The following KAZALD1 variants were observed in gnomAD, a reference collection of about 807,000 sequenced individuals.
KAZALD1 encodes the protein Kazal type serine peptidase inhibitor domain 1, also known as kazal-type serine protease inhibitor domain-containing protein 1.
In KAZALD1, 31 loss-of-function variants were observed where a neutral mutation model predicts 27.7. That is an observed-to-expected ratio of 1.12 (90% confidence interval 0.84 to 1.51). The LOEUF is 1.51. Ranked by LOEUF, KAZALD1 falls within the 40% of genes most tolerant of loss-of-function variation. The probability of loss-of-function intolerance (pLI) is 0.00; values close to 1 mark genes in which losing one functional copy is unlikely to be tolerated. For synonymous variants in KAZALD1, 179 were observed against 182.0 expected (o/e 0.98, Z 0.13); for missense variants, 444 against 408.9 (o/e 1.09, Z -0.74).
Position 101,066,417 on chromosome 10 carries a change from T to C in KAZALD1, c.*1497T>C. The C allele has an allele frequency of 2.2e-6, 1 of 456,764 alleles. No individual in the cohort carries two copies. The highest frequency in any genetic ancestry group is 4.4e-6 in the Non-Finnish European group (1 of 226,966). 28.3% of individuals were successfully genotyped at this position (456,764 alleles called of 1,614,324 possible). On this transcript the variant is annotated 3_prime_UTR_variant, in exon 5 of 5. Coordinates refer to ENST00000370200, the MANE Select transcript of KAZALD1 (RefSeq NM_030929.5). Reference sequence around the variant, plus strand: ...TCTACTGCTGGCTTGCCCCGGGTCCTTAAGCCAGCGACAGTTTTTATTGCC... The same window carrying C: ...TCTACTGCTGGCTTGCCCCGGGTCCCTAAGCCAGCGACAGTTTTTATTGCC...
At chr10:101,067,347 C>T (rs1053101687), downstream of KAZALD1, 3 of 456,176 alleles carry the variant, frequency 6.6e-6, no homozygotes, top group African/African-American at 6.0e-5. Context: ...TTCCCACCTC[C>T]AAGATTTTAA....
chr10:101,066,497 G>C lies in KAZALD1; in HGVS notation c.*1577G>C, dbSNP rs773949064. 11 of 456,364 alleles carry C rather than the reference G, an allele frequency of 2.4e-5. No homozygotes were observed. Among genetic ancestry groups the C allele is most frequent in the Non-Finnish European group, 4.9e-5 (11 of 226,798 alleles). The allele number at this position is 456,364 out of a possible 1,614,324, so 28.3% of individuals were successfully genotyped here. ...GAGCCGCGCACAACAGCGCAAGCGG[G>C]CTGGATACCGGGAGCCGATTCCAGG... On this transcript the variant is annotated 3_prime_UTR_variant, in exon 5 of 5. Transcript: ENST00000370200.
rs761694108 is a variant in KAZALD1 at position 101,064,421 on chromosome 10, G to A, written c.672G>A (p.Gln224=). The A allele has an allele frequency of 1.2e-6, 2 of 1,614,228 alleles. No individual in the cohort carries two copies. The highest frequency in any genetic ancestry group is 1.1e-5 in the South Asian group (1 of 91,092). ...GGGATGACCCCCACATCTCTGTGCA[G>A]GTAGACTGGTGGGAGAGGCTTCCCT... The part of the protein sequence containing the change: ...LPGDDPHISV[Q]FRGGPQRFEV... Residue 224 remains glutamine (Q), a splice_region_variant and synonymous_variant, in exon 3 of 5, where the codon CAG becomes CAA. Coordinates refer to ENST00000370200, the MANE Select transcript of KAZALD1 (RefSeq NM_030929.5).
At chr10:101,067,155 G>A (rs1939344611), downstream of KAZALD1, 1 of 408,258 alleles carries the variant, frequency 2.4e-6, no homozygotes, top group East Asian at 7.7e-5. Context: ...GAGGGAGGGG[G>A]AGGGAGGAGG....
rs1343915703 is a variant in KAZALD1 at position 101,062,918 on chromosome 10, G to C, written c.326G>C (p.Arg109Pro). ...CACTGCGGCGAGCAGCTTGAGTGCC[G>C]GCTGGACACAGGCGGCGACCTGAGC... is the stretch of plus-strand genomic sequence containing the variant. ...YGHCGEQLEC[R>P]LDTGGDLSRG... Residue 109 changes from arginine to proline, a missense_variant, in exon 2 of 5, where the codon CGG becomes CCG. Transcript: ENST00000370200. The C allele has an allele frequency of 6.2e-7, 1 of 1,603,046 alleles. No individual in the cohort carries two copies.
intron 2 of KAZALD1, 35 bp downstream of exon 2, chr10:101,063,138 A>G (rs763905161): frequency 2.0e-6 from 3 of 1,488,114 alleles, no homozygotes; most frequent in Non-Finnish European, 2.7e-6. Context: ...CCCAGCACTT[A>G]GGTTTCCTAG....
Position 101,064,295 on chromosome 10 carries a change from G to A in KAZALD1, c.546G>A (p.Trp182Ter). The change falls in exon 3 of 5, where the codon TGG becomes TGA. Residue 182 changes from tryptophan to a stop codon, truncating the protein, a stop_gained. Coordinates refer to ENST00000370200, the MANE Select transcript of KAZALD1 (RefSeq NM_030929.5). LOFTEE classifies it high-confidence loss of function. Reference protein sequence around the residue: ...PQIVSHPYDTWNVTGQDVIFG... With the variant: ...PQIVSHPYDT Reference sequence around the variant, plus strand: ...TCGTGTCACATCCATATGACACTTGGAATGTGACAGGGCAGGATGTGATCT... The same window carrying A: ...TCGTGTCACATCCATATGACACTTGAAATGTGACAGGGCAGGATGTGATCT... 6.2e-7 allele frequency: 1 copy of A among 1,614,198 alleles called. No individual in the cohort carries two copies. Among genetic ancestry groups the A allele is most frequent in the Non-Finnish European group, 8.5e-7 (1 of 1,180,048 alleles).
chr10:101,067,092 C>T (rs1228494512), downstream of KAZALD1: 4 of 349,082 alleles, frequency 1.1e-5, no homozygotes, highest in South Asian at 8.3e-5. Context: ...AGAGCGCGGG[C>T]GGCGTTTTAA....
At chr10:101,067,352 T>G (rs1369748812), downstream of KAZALD1, 3 of 455,994 alleles carry the variant, frequency 6.6e-6, no homozygotes, top group Non-Finnish European at 1.3e-5. Context: ...ACCTCCAAGA[T>G]TTTAAGTATA....
downstream of KAZALD1, chr10:101,068,001 T>C: frequency 2.4e-6 from 1 of 416,222 alleles, no homozygotes; most frequent in South Asian, 1.6e-5. Flanking sequence ...CTCTGGCAAG[T>C]TGGGAGTACA....
intron 2 of KAZALD1, 109 bp from the exon 3 acceptor site, chr10:101,064,152 T>C (rs1471650707): frequency 1.8e-6 from 2 of 1,105,792 alleles, no homozygotes; most frequent in South Asian, 1.4e-5. Flanking sequence ...TCAGCATATA[T>C]TGTGTTCTGC....
chr10:101,063,803 C>T (rs1265441517), intron 2 of KAZALD1, among the ~76,000 whole-genome samples: 4 of 152,240 alleles, frequency 2.6e-5, no homozygotes, highest in Non-Finnish European at 5.9e-5. Flanking sequence ...CCGCAGGACT[C>T]CCCCAGGGGG....
In KAZALD1 at chr10:101,064,292, T is replaced by G; in HGVS notation, c.543T>G (p.Thr181=). ...GPQIVSHPYD[T]WNVTGQDVIF... is the part of the protein sequence containing the mutation. ...AGATCGTGTCACATCCATATGACAC[T>G]TGGAATGTGACAGGGCAGGATGTGA... The change falls in exon 3 of 5, where the codon ACT becomes ACG. Residue 181 remains threonine (T), a synonymous_variant. Coordinates refer to ENST00000370200, the MANE Select transcript of KAZALD1 (RefSeq NM_030929.5). 6.2e-7 allele frequency: 1 copy of G among 1,614,176 alleles called. No individual in the cohort carries two copies.
Position 101,064,297 on chromosome 10 carries a change from A to G in KAZALD1, c.548A>G (p.Asn183Ser), listed in dbSNP as rs761952317. ...GTGTCACATCCATATGACACTTGGA[A>G]TGTGACAGGGCAGGATGTGATCTTT... The part of the protein sequence containing the change: ...QIVSHPYDTW[N>S]VTGQDVIFGC... Residue 183 changes from asparagine to serine, a missense_variant, in exon 3 of 5, where the codon AAT (asparagine) becomes AGT (serine). By Grantham distance (46) the Asn-to-Ser change is conservative. Transcript: ENST00000370200. 10 of 1,614,126 alleles carry G rather than the reference A, an allele frequency of 6.2e-6. No homozygotes were observed. The South Asian group carries it at 7.7e-5, about 12-fold the overall frequency.
downstream of KAZALD1, chr10:101,067,627 A>AG: frequency 3.0e-6 from 1 of 337,874 alleles, no homozygotes; most frequent in Non-Finnish European, 5.8e-6. Flanking sequence ...CGTGAGGAGG[A>AG]GGGCCGCTTC....
Position 101,065,080 on chromosome 10 carries a change from G to T in KAZALD1, c.*160G>T. On this transcript the variant is annotated 3_prime_UTR_variant, in exon 5 of 5. Coordinates refer to ENST00000370200, the MANE Select transcript of KAZALD1 (RefSeq NM_030929.5). ...CTATTTGACTCCAAGGTAGCAGTGT[G>T]GTAGGATAGAGACAAAAGCTGGAGG... 1 of 619,482 alleles carries T rather than the reference G, an allele frequency of 1.6e-6. No individual in the cohort carries two copies. Among genetic ancestry groups the T allele is most frequent in the Non-Finnish European group, 2.9e-6 (1 of 348,230 alleles). The allele number at this position is 619,482 out of a possible 1,614,324, so 38.4% of individuals were successfully genotyped here.
At chr10:101,064,157 T>C in intron 2 of KAZALD1, 104 bp from the exon 3 acceptor site, 1 of 1,190,902 alleles carries the variant, frequency 8.4e-7, no homozygotes, top group African/African-American at 1.5e-5. Flanking sequence ...ATATATTGTG[T>C]TCTGCCACAA....
At position 101,062,719 on chromosome 10, in the gene KAZALD1, T is replaced by C. The variant is rs1463105947; in HGVS notation, c.127T>C (p.Trp43Arg). 1 of 1,535,070 alleles carries C rather than the reference T, an allele frequency of 6.5e-7. No homozygotes were observed. Among genetic ancestry groups the C allele is most frequent in the South Asian group, 1.2e-5 (1 of 84,942 alleles). Residue 43 changes from tryptophan (W) to arginine (R), a missense_variant, in exon 2 of 5, where the codon TGG becomes CGG. By Grantham distance (101) the Trp-to-Arg change is moderately radical. Transcript: ENST00000370200. ...SPGPDYLRRG[W>R]MRLLAEGEGC... ...AGGCCCAGATTACCTGCGGCGCGGC[T>C]GGATGCGGCTGCTAGCGGAGGGCGA...
Position 101,066,370 on chromosome 10 carries a change from C to T in KAZALD1, c.*1450C>T, listed in dbSNP as rs1289524507. ...CCCCAGGTCCTGCTTGGCCGCCCCT[C>T]CCGCGGCTACGCACTACTCCATCTA... On this transcript the variant is annotated 3_prime_UTR_variant, in exon 5 of 5. Transcript: ENST00000370200. The T allele has an allele frequency of 2.0e-5, 9 of 456,232 alleles. No individual in the cohort carries two copies. Among genetic ancestry groups the T allele is most frequent in the Admixed American group, 1.9e-4 (8 of 42,550 alleles). 28.3% of individuals were successfully genotyped at this position (456,232 alleles called of 1,614,324 possible). A position where few individuals can be genotyped will look rare whatever the true frequency, so the allele number is the denominator to read the frequency against.
Sources: allele counts gnomAD v4.1 joint callset (sites outside exome capture counted in the v4.1 genomes callset), GRCh38; gene constraint gnomAD v4.1.1; transcripts MANE v1.5; gene names NCBI Gene and HGNC (gene_info 2026-07-23, HGNC 2026-07-21).